SMYD3: variants seen among roughly 807,000 people sequenced by gnomAD.
SMYD3 encodes the protein SET and MYND domain containing 3, also known as histone-lysine N-methyltransferase SMYD3.
In SMYD3, 36 loss-of-function variants were observed where a neutral mutation model predicts 57.7. That is an observed-to-expected ratio of 0.62 (90% CI 0.48 to 0.82). The LOEUF (loss-of-function observed/expected upper bound fraction) is 0.82, where lower values mean the gene tolerates loss of function less well. Among genes scored for constraint, SMYD3 ranks in the 40% least tolerant of loss-of-function variants. The pLI is 0.00. For missense variants in SMYD3, 515 were observed against 538.8 expected, an observed-to-expected ratio of 0.96 and a Z score of 0.44; for synonymous variants, 211 against 195.0, an observed-to-expected ratio of 1.08 and a Z score of -0.68.
At chr1:245,820,347 C>T (rs111609241) in intron 10 of SMYD3, among the ~76,000 whole-genome samples, 9 of 148,358 alleles carry the variant, frequency 6.1e-5, no homozygotes, top group East Asian at 6.0e-4. Flanking sequence ...ATTCAACAAC[C>T]CTTCATGCTA....
intron 5 of SMYD3, among the ~76,000 whole-genome samples, chr1:246,047,521 A>G (rs2059990455): frequency 6.6e-6 from 1 of 152,234 alleles, no homozygotes; most frequent in Non-Finnish European, 1.5e-5. Context: ...ATTTCTAGAT[A>G]GACTAAATAT....
At chr1:246,426,875 T>C (rs1032385270) in intron 1 of SMYD3, among the ~76,000 whole-genome samples, 22 of 152,146 alleles carry the variant, frequency 1.4e-4, no homozygotes, top group African/African-American at 4.1e-4. Flanking sequence ...GATAAAATAA[T>C]GTCTGCCCTC....
intron 1 of SMYD3, among the ~76,000 whole-genome samples, chr1:246,473,486 C>T (rs531082760): frequency 2.0e-5 from 3 of 152,074 alleles, no homozygotes; most frequent in Non-Finnish European, 4.4e-5. Flanking sequence ...GTTTCAGAAC[C>T]ATTTTTCTAA....
At chr1:246,178,656 C>T (rs1450725984) in intron 5 of SMYD3, 2 of 152,124 alleles carry the variant, frequency 1.3e-5, no homozygotes, top group African/African-American at 4.8e-5. Context: ...GCAAGCAGAC[C>T]TTTTTTCTTA....
intron 1 of SMYD3, among the ~76,000 whole-genome samples, chr1:246,496,718 C>T (rs1232028395): frequency 2.6e-5 from 4 of 152,018 alleles, no homozygotes; most frequent in Non-Finnish European, 5.9e-5. Context: ...GTCCCAGCTA[C>T]TCAAGGCTGA....
At chr1:246,366,077 C>T (rs923445038) in intron 1 of SMYD3, among the ~76,000 whole-genome samples, 2 of 152,128 alleles carry the variant, frequency 1.3e-5, no homozygotes, top group African/African-American at 4.8e-5. Context: ...AAATAACGAG[C>T]AGAATCAAGA....
At chr1:246,384,649 G>A (rs567850384) in intron 1 of SMYD3, among the ~76,000 whole-genome samples, 2 of 152,126 alleles carry the variant, frequency 1.3e-5, no homozygotes, top group Non-Finnish European at 2.9e-5. Flanking sequence ...TGCCCGCCTC[G>A]GCCTCCCAAA....
chr1:246,138,861 C>A (rs931256316), intron 5 of SMYD3, among the ~76,000 whole-genome samples: 1 of 152,076 alleles, frequency 6.6e-6, no homozygotes, highest in Non-Finnish European at 1.5e-5. Flanking sequence ...ATAATCTAAT[C>A]CCTTTTGTAT....
At chr1:245,831,434 C>G (rs1455402244) in intron 10 of SMYD3, among the ~76,000 whole-genome samples, 2 of 152,184 alleles carry the variant, frequency 1.3e-5, no homozygotes, top group East Asian at 3.9e-4. Context: ...AAACCAGGTA[C>G]CTGGGTAACT....
In SMYD3 at chr1:245,793,069, G is replaced by A. The variant is rs550410881; in HGVS notation, c.1077-28920C>T. Among the ~76,000 whole-genome samples, 10 of 52,186 alleles carry A rather than the reference G, an allele frequency of 1.9e-4. No individual in the cohort carries two copies. In the South Asian group the frequency reaches 7.1e-3, roughly 37 times the overall value. The allele number at this position is 52,186 out of a possible 152,430, so 34.2% of individuals were successfully genotyped here. On this transcript the variant is annotated intron_variant, in intron 10 of 11. Transcript: ENST00000490107. ...CTCATGCCTGTAATCCCAGCACTTT[G>A]GGAGGCCGAGGCGGGTGATCACGAA...
intron 5 of SMYD3, among the ~76,000 whole-genome samples, chr1:246,002,155 C>T (rs7523825): frequency 0.12 from 17,549 of 151,930 alleles, 1,445 homozygotes; most frequent in East Asian, 0.44. Flanking sequence ...GAGGAGACTC[C>T]GGTCTGACGG....
At chr1:246,076,388 A>G (rs1163313497) in intron 5 of SMYD3, among the ~76,000 whole-genome samples, 1 of 152,206 alleles carries the variant, frequency 6.6e-6, no homozygotes, top group East Asian at 1.9e-4. Flanking sequence ...TGTACTGCCA[A>G]CAGACCAACA....
At chr1:246,489,118 G>A (rs1280306621) in intron 1 of SMYD3, among the ~76,000 whole-genome samples, 2 of 152,042 alleles carry the variant, frequency 1.3e-5, no homozygotes, top group East Asian at 1.9e-4. Context: ...AGGCCGAGGC[G>A]GGCGGATCAC....
intron 1 of SMYD3, among the ~76,000 whole-genome samples, chr1:246,374,744 T>G (rs748769378): frequency 2.0e-5 from 3 of 151,898 alleles, no homozygotes; most frequent in Non-Finnish European, 2.9e-5. Context: ...AGGCCGAGGT[T>G]GGTGGATCAC....
intron 10 of SMYD3, among the ~76,000 whole-genome samples, chr1:245,787,908 C>T (rs967284069): frequency 4.6e-5 from 7 of 152,136 alleles, no homozygotes; most frequent in African/African-American, 7.2e-5. Flanking sequence ...AGTCGACTTT[C>T]GAACTGGGCA....
At chr1:246,071,340 G>T (rs1227756609) in intron 5 of SMYD3, among the ~76,000 whole-genome samples, 1 of 152,148 alleles carries the variant, frequency 6.6e-6, no homozygotes, top group East Asian at 1.9e-4. Flanking sequence ...AGGACGGTGG[G>T]AGAAAACAGG....
At chr1:245,937,132 T>G (rs1001296452) in intron 5 of SMYD3, among the ~76,000 whole-genome samples, 1 of 152,158 alleles carries the variant, frequency 6.6e-6, no homozygotes, top group South Asian at 2.1e-4. Context: ...TGCAGTGGTG[T>G]CTGTCCCATT....
chr1:246,225,725 A>G (rs964341725), intron 5 of SMYD3, among the ~76,000 whole-genome samples: 1 of 152,162 alleles, frequency 6.6e-6, no homozygotes, highest in Non-Finnish European at 1.5e-5. Context: ...ACATACATAC[A>G]TCTCAGACCT....
At chr1:245,881,988 C>T (rs762332249) in intron 8 of SMYD3, among the ~76,000 whole-genome samples, 7 of 152,192 alleles carry the variant, frequency 4.6e-5, no homozygotes, top group African/African-American at 1.7e-4. Flanking sequence ...GCCTGCTGGT[C>T]TTGTTGGGGA....
Sources: allele counts gnomAD v4.1 joint callset (sites outside exome capture counted in the v4.1 genomes callset), GRCh38; gene constraint gnomAD v4.1.1; transcripts MANE v1.5; gene names NCBI Gene and HGNC (gene_info 2026-07-23, HGNC 2026-07-21).